Variants in PROM1 observed in about 807,000 individuals in gnomAD.
PROM1 encodes prominin 1.
In PROM1, 105 loss-of-function variants were observed where a neutral mutation model predicts 116.9. The observed-to-expected ratio is 0.90, with a 90% CI of 0.77 to 1.06. The LOEUF (loss-of-function observed/expected upper bound fraction) is 1.06, where lower values mean the gene tolerates loss of function less well. PROM1 is among the 50% of genes least tolerant of loss of function. PROM1 has a pLI of 0.00. For synonymous variants in PROM1, 393 were observed against 387.0 expected (o/e 1.02, Z -0.18); for missense variants, 1,122 against 1,045.2 (o/e 1.07, Z -1.01).
At position 15,990,848 on chromosome 4, in the gene PROM1, G is replaced by C. The variant is rs370090206; in HGVS notation, c.1983+374C>G. Among the ~76,000 whole-genome samples, 7 of 152,330 alleles carry C rather than the reference G, an allele frequency of 4.6e-5. No homozygotes were observed. The East Asian group carries it at 7.7e-4, about 17-fold the overall frequency. ...TTCTGAACAACCTGCCACTTAATTA[G>C]CATTCCATTGAAAGCGGTTATAAAT... On this transcript the variant is annotated intron_variant, in intron 18 of 27. Transcript: ENST00000447510.
intron 23 of PROM1, among the ~76,000 whole-genome samples, chr4:15,982,925 G>C: frequency 6.6e-6 from 1 of 152,208 alleles, no homozygotes; most frequent in East Asian, 1.9e-4. Flanking sequence ...AAGTGAACGA[G>C]GGAGGTGGAC....
At chr4:15,998,882 T>G (rs980032556) in intron 14 of PROM1, among the ~76,000 whole-genome samples, 1 of 152,030 alleles carries the variant, frequency 6.6e-6, no homozygotes, top group Non-Finnish European at 1.5e-5. Context: ...CTGGCTAGTT[T>G]TGTAGTTTTA....
chr4:16,039,996 A>T (rs11732612), intron 2 of PROM1, among the ~76,000 whole-genome samples: 118,197 of 151,834 alleles, frequency 0.78, 46,504 homozygotes, highest in Non-Finnish European at 0.84. Context: ...AAGGCTCAGG[A>T]CTTCCTTCTC....
intron 2 of PROM1, among the ~76,000 whole-genome samples, chr4:16,057,329 T>C (rs1186131440): frequency 6.6e-6 from 1 of 152,238 alleles, no homozygotes; most frequent in African/African-American, 2.4e-5. Flanking sequence ...TTTCCCAGGA[T>C]GCAGTCAGGT....
intron 2 of PROM1, among the ~76,000 whole-genome samples, chr4:16,052,567 C>G (rs935968133): frequency 2.0e-5 from 3 of 150,912 alleles, no homozygotes; most frequent in Non-Finnish European, 4.4e-5. Context: ...GCCTTAACCT[C>G]CCTGGGCTCA....
chr4:16,080,243 G>A lies in PROM1; in HGVS notation c.-213+3735C>T, dbSNP rs111455104. 4.1e-3 allele frequency among the ~76,000 whole-genome samples: 624 copies of A among 151,124 alleles called. 3 individuals are homozygous for A. Among genetic ancestry groups the A allele is most frequent in the East Asian group, 0.039 (197 of 5,052 alleles). ...ACTGGTTTAAAAGCAAATATGGCCC[G>A]GGCGTGGTGGCTCAAGCCTGTAATC... On this transcript the variant is annotated intron_variant, in intron 1 of 27. Transcript: ENST00000447510.
At chr4:15,982,492 C>A (rs1718221495) in intron 23 of PROM1, among the ~76,000 whole-genome samples, 1 of 152,184 alleles carries the variant, frequency 6.6e-6, no homozygotes, top group South Asian at 2.1e-4. Flanking sequence ...ACAAAATAAA[C>A]ATGTTAGCTA....
chr4:15,993,399 C>T (rs896864831), intron 16 of PROM1, among the ~76,000 whole-genome samples: 1 of 152,202 alleles, frequency 6.6e-6, no homozygotes, highest in Admixed American at 6.5e-5. Flanking sequence ...CTTGCTCTTT[C>T]TTCAGGCCAG....
chr4:16,075,489 T>C (rs1407034749), intron 2 of PROM1, among the ~76,000 whole-genome samples, 198 bp downstream of exon 2: 1 of 152,208 alleles, frequency 6.6e-6, no homozygotes, highest in Non-Finnish European at 1.5e-5. Flanking sequence ...TTTGCTTCCA[T>C]TTCTTATAAT....
At chr4:16,033,226 C>A in intron 5 of PROM1, 78 bp downstream of exon 5, 1 of 1,279,866 alleles carries the variant, frequency 7.8e-7, no homozygotes, top group East Asian at 2.4e-5. Context: ...GTTTTAAACT[C>A]ATGGTTTAAC....
At position 16,013,354 on chromosome 4, in the gene PROM1, A is replaced by G. The variant is rs751300536; in HGVS notation, c.1078-16T>C. 1.5e-5 allele frequency: 24 copies of G among 1,571,876 alleles called. 1 individual carries two copies. The South Asian group carries it at 2.0e-4, about 13-fold the overall frequency. On this transcript the variant is annotated splice_polypyrimidine_tract_variant and intron_variant, in intron 10 of 27. Transcript: ENST00000447510. ...ATTGATAGCCCTGAAAAATATTTCA[A>G]AATAAAAGGATGTACACAGTTAAGT...
intron 2 of PROM1, among the ~76,000 whole-genome samples, chr4:16,064,263 C>T (rs1278053119): frequency 5.3e-5 from 8 of 152,158 alleles, no homozygotes. Context: ...GGTATATTCA[C>T]ACATAATAGA....
chr4:16,003,512 T>C (rs1313696498), intron 13 of PROM1, among the ~76,000 whole-genome samples: 1 of 152,204 alleles, frequency 6.6e-6, no homozygotes, highest in Non-Finnish European at 1.5e-5. Flanking sequence ...GGCATTGTTG[T>C]CAATACCTAA....
At chr4:16,019,938 C>A (rs1263740773) in intron 8 of PROM1, among the ~76,000 whole-genome samples, 1 of 151,810 alleles carries the variant, frequency 6.6e-6, no homozygotes, top group African/African-American at 2.4e-5. Flanking sequence ...CCAAAAGTAG[C>A]CCGAGGTTGC....
chr4:16,069,009 C>T (rs965011645), intron 2 of PROM1, among the ~76,000 whole-genome samples: 9 of 152,098 alleles, frequency 5.9e-5, no homozygotes, highest in African/African-American at 1.4e-4. Context: ...CCAAGGCATG[C>T]GGATCACCTG....
intron 7 of PROM1, among the ~76,000 whole-genome samples, chr4:16,023,899 C>T (rs745719786): frequency 3.3e-5 from 5 of 152,300 alleles, no homozygotes; most frequent in African/African-American, 7.2e-5. Context: ...TAAGCTAAAC[C>T]GTGGCATGCA....
intron 5 of PROM1, among the ~76,000 whole-genome samples, chr4:16,026,962 GA>G (rs1731438071): frequency 6.6e-6 from 1 of 152,102 alleles, no homozygotes. Flanking sequence ...CCTCCAAACT[GA>G]AAAGATCAGT....
At chr4:16,046,758 T>C (rs1736641339) in intron 2 of PROM1, among the ~76,000 whole-genome samples, 1 of 152,142 alleles carries the variant, frequency 6.6e-6, no homozygotes. Flanking sequence ...AATGACCCCA[T>C]CGACTCACGG....
intron 4 of PROM1, among the ~76,000 whole-genome samples, chr4:16,034,886 A>G (rs1413340086): frequency 6.6e-6 from 1 of 152,216 alleles, no homozygotes; most frequent in Non-Finnish European, 1.5e-5. Flanking sequence ...CTTCATAAAC[A>G]TATTGTGAGG....
Sources: allele counts gnomAD v4.1 joint callset (sites outside exome capture counted in the v4.1 genomes callset), GRCh38; gene constraint gnomAD v4.1.1; transcripts MANE v1.5; gene names NCBI Gene and HGNC (gene_info 2026-07-23, HGNC 2026-07-21).